CUL3: variants seen among roughly 807,000 people sequenced by gnomAD.
The protein encoded by CUL3 is cullin-3.
A neutral mutation model predicts 89.1 loss-of-function variants in CUL3; 19 were observed. That is an observed-to-expected ratio of 0.21 (90% CI 0.15 to 0.31). CUL3 has a LOEUF of 0.31. Ranked by LOEUF, CUL3 falls within the 10% of genes least tolerant of loss-of-function variation. The probability of loss-of-function intolerance (pLI) is 1.00; values close to 1 mark genes in which losing one functional copy is unlikely to be tolerated. For missense variants in CUL3, 469 were observed against 942.3 expected (o/e 0.50, Z 6.58); for synonymous variants, 351 against 308.4 (o/e 1.14, Z -1.45).
chr2:224,558,768 C>A (rs1438028145), intron 1 of CUL3, among the ~76,000 whole-genome samples: 2 of 152,170 alleles, frequency 1.3e-5, no homozygotes, highest in Non-Finnish European at 2.9e-5. Flanking sequence ...CTTGGCTGGG[C>A]GCAGTGGCTC....
At chr2:224,582,610 A>C (rs189021449) in intron 1 of CUL3, among the ~76,000 whole-genome samples, 2 of 152,356 alleles carry the variant, frequency 1.3e-5, no homozygotes, top group Admixed American at 1.3e-4. Context: ...AAAAACCTGC[A>C]AAAGTTATAG....
intron 2 of CUL3, chr2:224,556,474 A>G (rs533935641): frequency 1.3e-5 from 2 of 152,214 alleles, no homozygotes; most frequent in African/African-American, 4.8e-5. Context: ...CAGACACACC[A>G]AAAACTGAGG....
At chr2:224,478,412 T>A (rs2106144008) in intron 14 of CUL3, 67 bp from the exon 15 acceptor site, 1 of 1,493,348 alleles carries the variant, frequency 6.7e-7, no homozygotes, top group East Asian at 2.4e-5. Context: ...GCAAGCTTAT[T>A]ATAATTCAAT....
At position 224,535,827 on chromosome 2, in the gene CUL3, T is replaced by C. The variant is rs11892721; in HGVS notation, c.265-186A>G. On this transcript the variant is annotated intron_variant, in intron 2 of 15. Coordinates refer to ENST00000264414, the MANE Select transcript of CUL3 (RefSeq NM_003590.5). Reference sequence around the variant, plus strand: ...CAGAAGAGTATCAAATGTATATGTATAGTACAGACTCCTCTTCTGATCTCC... The same window carrying C: ...CAGAAGAGTATCAAATGTATATGTACAGTACAGACTCCTCTTCTGATCTCC... Among the ~76,000 whole-genome samples, 834 of 152,358 alleles carry C rather than the reference T, an allele frequency of 5.5e-3. 5 individuals carry two copies. Among genetic ancestry groups the C allele is most frequent in the African/African-American group, 0.019 (793 of 41,582 alleles).
At chr2:224,481,783 A>G (rs1362726371) in intron 14 of CUL3, 109 bp downstream of exon 14, 1 of 693,890 alleles carries the variant, frequency 1.4e-6, no homozygotes, top group East Asian at 3.3e-5. Context: ...CCTAAGTATC[A>G]TGCAGCACCA....
At position 224,514,760 on chromosome 2, in the gene CUL3, C is replaced by T; in HGVS notation, c.391G>A (p.Val131Ile). ...ACGTTCTCCACATTATTTTGTTGTA[C>T]ATACACACGGTCCTACAGTTAAAGT... The part of the protein sequence containing the change: ...DILMYMDRVY[V>I]QQNNVENVYN... The change falls in exon 4 of 16, where the codon GTA becomes ATA. Residue 131 changes from valine to isoleucine, a missense_variant. By Grantham distance (29) the Val-to-Ile change is conservative. This residue lies in a region of CUL3 where 370 missense variants were observed against 733.2 expected (regional missense o/e 0.50). Transcript: ENST00000264414. 6.2e-7 allele frequency: 1 copy of T among 1,610,896 alleles called. No homozygotes were observed. Among genetic ancestry groups the T allele is most frequent in the Non-Finnish European group, 8.5e-7 (1 of 1,177,366 alleles).
At position 224,522,827 on chromosome 2, in the gene CUL3, C is replaced by CAAAAAAAAAAA. The variant is rs777324032; in HGVS notation, c.379-8056_379-8055insTTTTTTTTTTT. Among the ~76,000 whole-genome samples, 103 of 147,474 alleles carry CAAAAAAAAAAA rather than the reference C, an allele frequency of 7.0e-4. No homozygotes were observed. In the South Asian group the frequency reaches 9.2e-3, roughly 13 times the overall value. ...TGGGTGACAGCGTGAGACACCGTCT[C>CAAAAAAAAAAA]AAAAAAACAATCCTTCTCAGGGGTC... On this transcript the variant is annotated intron_variant, in intron 3 of 15. Transcript: ENST00000264414.
chr2:224,494,454 A>G (rs768173515), intron 13 of CUL3, among the ~76,000 whole-genome samples: 1 of 152,196 alleles, frequency 6.6e-6, no homozygotes, highest in Non-Finnish European at 1.5e-5. Flanking sequence ...AAAAAAAAGC[A>G]TATTATAAAA....
At chr2:224,499,579 G>C in intron 11 of CUL3, 1 of 211,060 alleles carries the variant, frequency 4.7e-6, no homozygotes, top group East Asian at 1.2e-4. Flanking sequence ...AGTGGGTCAA[G>C]AGACCTTTTG....
chr2:224,576,841 A>G (rs190828920), intron 1 of CUL3, among the ~76,000 whole-genome samples: 2 of 152,180 alleles, frequency 1.3e-5, no homozygotes, highest in East Asian at 3.9e-4. Context: ...GAGGTTACAC[A>G]CTTACTCTAA....
At position 224,530,232 on chromosome 2, in the gene CUL3, C is replaced by A. The variant is rs143658579; in HGVS notation, c.378+5296G>T. On this transcript the variant is annotated intron_variant, in intron 3 of 15. Transcript: ENST00000264414. ...CCAGCCTGGGCAACAGAGTGAGACT[C>A]CGTCTCAAAAAAACAAAACAAAACA... Among the ~76,000 whole-genome samples the A allele has an allele frequency of 5.7e-4, 87 of 152,154 alleles. 1 individual carries two copies. The highest frequency in any genetic ancestry group is 2.0e-3 in the African/African-American group (83 of 41,492).
intron 2 of CUL3, among the ~76,000 whole-genome samples, chr2:224,555,242 A>G (rs1694658220): frequency 6.6e-6 from 1 of 152,208 alleles, no homozygotes; most frequent in Non-Finnish European, 1.5e-5. Flanking sequence ...TACCCATTTC[A>G]AATCAGTTTC....
chr2:224,569,168 G>A (rs1574704754), intron 1 of CUL3, among the ~76,000 whole-genome samples: 1 of 152,262 alleles, frequency 6.6e-6, no homozygotes, highest in Admixed American at 6.5e-5. Flanking sequence ...TAATCCCATT[G>A]ATAAACTGAT....
chr2:224,506,667 A>AT (rs1414167534), intron 7 of CUL3, among the ~76,000 whole-genome samples, 191 bp downstream of exon 7: 1 of 152,214 alleles, frequency 6.6e-6, no homozygotes, highest in African/African-American at 2.4e-5. Context: ...TAGCAGCTGA[A>AT]TTTTAGCTCC....
intron 13 of CUL3, among the ~76,000 whole-genome samples, chr2:224,494,669 A>C (rs986918667): frequency 6.6e-6 from 1 of 152,200 alleles, no homozygotes; most frequent in Non-Finnish European, 1.5e-5. Flanking sequence ...CCTTCAACAA[A>C]TGATGCTGGA....
intron 12 of CUL3, 60 bp from the exon 13 acceptor site, chr2:224,496,026 T>C (rs1270286101): frequency 2.4e-5 from 38 of 1,562,950 alleles, no homozygotes; most frequent in Non-Finnish European, 3.3e-5. Context: ...AACATTAATG[T>C]ATGTATGTAC....
intron 1 of CUL3, among the ~76,000 whole-genome samples, chr2:224,574,121 A>G (rs1216736662): frequency 2.6e-5 from 4 of 152,226 alleles, no homozygotes; most frequent in Admixed American, 6.5e-5. Flanking sequence ...GCTTGCTTTT[A>G]TAAGAAAGTA....
intron 14 of CUL3, chr2:224,480,135 T>C (rs1020761351): frequency 6.6e-6 from 1 of 152,626 alleles, no homozygotes; most frequent in African/African-American, 2.4e-5. Context: ...GTGAAGACTG[T>C]CAACTCTGGA....
At chr2:224,516,499 T>G (rs1007259093) in intron 3 of CUL3, among the ~76,000 whole-genome samples, 1 of 151,930 alleles carries the variant, frequency 6.6e-6, no homozygotes, top group Non-Finnish European at 1.5e-5. Flanking sequence ...GTATGTTTAG[T>G]AGAGACAGGG....
Sources: gnomAD v4.1 joint callset for allele counts (sites outside exome capture counted in the v4.1 genomes callset) on GRCh38, gnomAD v4.1.1 for gene constraint, gnomAD v4.1.1 regional missense constraint, MANE v1.5 for transcripts, NCBI Gene and HGNC (gene_info 2026-07-23, HGNC 2026-07-21) for gene names.